The following PKHD1L1 variants were observed in gnomAD, a reference collection of about 807,000 sequenced individuals.
PKHD1L1 encodes PKHD1 like 1.
In PKHD1L1, 434 loss-of-function variants were observed where a neutral mutation model predicts 462.9. That is an observed-to-expected ratio of 0.94 (90% CI 0.87 to 1.02). The LOEUF is 1.02. PKHD1L1 is among the 50% of genes least tolerant of loss of function. The pLI is 0.00. For synonymous variants in PKHD1L1, 1,781 were observed against 1,750.0 expected, an observed-to-expected ratio of 1.02 and a Z score of -0.44; for missense variants, 5,202 against 5,096.1, an observed-to-expected ratio of 1.02 and a Z score of -0.63.
At chr8:109,472,893 G>T (rs201116643) in intron 50 of PKHD1L1, among the ~76,000 whole-genome samples, 1 of 151,586 alleles carries the variant, frequency 6.6e-6, no homozygotes, top group South Asian at 2.1e-4. Context: ...GGGAAGTAAG[G>T]GTTTGCTATA....
intron 60 of PKHD1L1, 22 bp from the exon 61 acceptor site, chr8:109,490,950 T>C (rs1214886779): frequency 6.5e-7 from 1 of 1,548,692 alleles, no homozygotes; most frequent in Non-Finnish European, 8.7e-7. Flanking sequence ...AAAAATGTTC[T>C]CTGTATCCCA....
chr8:109,522,408 C>G (rs956043417), intron 74 of PKHD1L1, 71 bp downstream of exon 74: 1 of 1,369,612 alleles, frequency 7.3e-7, no homozygotes, highest in Non-Finnish European at 9.8e-7. Context: ...CTTATTTTAA[C>G]TCTCTGTTTC....
Position 109,364,612 on chromosome 8 carries a change from A to G in PKHD1L1, c.139A>G (p.Thr47Ala). ...IPKYGSINGATRLTIRGEGFS... is the reference protein window; with the variant it reads ...IPKYGSINGAARLTIRGEGFS... The stretch of plus-strand genomic sequence containing the variant: ...TAAATATGGCAGTATAAATGGAGCA[A>G]CAAGGCTGACTATAAGAGGGGAAGG... Residue 47 changes from threonine (T) to alanine (A), a missense_variant, in exon 2 of 78, where the codon ACA becomes GCA. Coordinates refer to ENST00000378402, the MANE Select transcript of PKHD1L1 (RefSeq NM_177531.6). 1 of 1,596,974 alleles carries G rather than the reference A, an allele frequency of 6.3e-7. No individual in the cohort carries two copies. The highest frequency in any genetic ancestry group is 8.6e-7 in the Non-Finnish European group (1 of 1,169,386).
chr8:109,421,074 A>G (rs920392390), intron 23 of PKHD1L1, among the ~76,000 whole-genome samples: 19 of 152,176 alleles, frequency 1.2e-4, no homozygotes, highest in African/African-American at 4.3e-4. Context: ...GCTTGTATGA[A>G]AATTTATACA....
In PKHD1L1 at chr8:109,445,360, C is replaced by T; in HGVS notation, c.5491C>T (p.Pro1831Ser). 6.2e-7 allele frequency: 1 copy of T among 1,613,884 alleles called. No individual in the cohort carries two copies. The highest frequency in any genetic ancestry group is 8.5e-7 in the Non-Finnish European group (1 of 1,179,864). ...TCTGGGAAACCTGACTGTCAGCAGCCCCCCAGTAGCATCTCTATCACCAAC... is the reference window on the plus strand; with the variant it reads ...TCTGGGAAACCTGACTGTCAGCAGCTCCCCAGTAGCATCTCTATCACCAAC... ...LALGNLTVSS[P>S]PVASLSPTSG... The change falls in exon 38 of 78, where the codon CCC becomes TCC. Residue 1831 changes from proline (P) to serine (S), a missense_variant. Transcript: ENST00000378402.
intron 4 of PKHD1L1, among the ~76,000 whole-genome samples, chr8:109,383,145 T>TA (rs1563723712): frequency 2.8e-5 from 2 of 71,768 alleles, no homozygotes; most frequent in East Asian, 6.1e-4. Flanking sequence ...TTATTGTATA[T>TA]ATTATATATA....
intron 35 of PKHD1L1, 40 bp downstream of exon 35, chr8:109,442,235 T>C: frequency 6.5e-7 from 1 of 1,530,028 alleles, no homozygotes; most frequent in South Asian, 1.2e-5. Flanking sequence ...ATGTCACTTT[T>C]TCCTAAATGT....
At position 109,439,101 on chromosome 8, in the gene PKHD1L1, A is replaced by G. The variant is rs373903597; in HGVS notation, c.3956+9A>G. The G allele has an allele frequency of 6.2e-7, 1 of 1,608,734 alleles. No individual in the cohort carries two copies. The highest frequency in any genetic ancestry group is 1.1e-5 in the South Asian group (1 of 90,412). On this transcript the variant is annotated intron_variant, in intron 32 of 77. Coordinates refer to ENST00000378402, the MANE Select transcript of PKHD1L1 (RefSeq NM_177531.6). The stretch of plus-strand genomic sequence containing the variant: ...GGTTTTGCATCAACAAGGTATGATA[A>G]TGAACATAAACTTGATGGAGTTGTA...
intron 19 of PKHD1L1, among the ~76,000 whole-genome samples, chr8:109,410,272 C>T (rs1424415379): frequency 2.6e-5 from 4 of 152,032 alleles, no homozygotes; most frequent in African/African-American, 9.7e-5. Flanking sequence ...GTGTATAGGC[C>T]ATTGTTGCGT....
At position 109,381,493 on chromosome 8, in the gene PKHD1L1, C is replaced by A; in HGVS notation, c.287C>A (p.Thr96Asn). 6.3e-7 allele frequency: 1 copy of A among 1,578,412 alleles called. No homozygotes were observed. Among genetic ancestry groups the A allele is most frequent in the Non-Finnish European group, 8.6e-7 (1 of 1,158,154 alleles). The change falls in exon 3 of 78, where the codon ACT (threonine) becomes AAT (asparagine). Residue 96 changes from threonine to asparagine, a missense_variant. Physicochemically the swap from Thr to Asn is moderately conservative, Grantham distance 65. Around this residue, in one of 3 missense-constraint regions of PKHD1L1, gnomAD observed 4,497 missense variants for 4,336.8 expected, o/e 1.04. Coordinates refer to ENST00000378402, the MANE Select transcript of PKHD1L1 (RefSeq NM_177531.6). ...CDVEKDASHS[T>N]QITCYTRAMP... ...GTAGAAAAAGATGCAAGTCATTCAA[C>A]TCAAATTACATGCTATACTAGGTCT... is the stretch of plus-strand genomic sequence containing the variant.
At chr8:109,388,980 A>T (rs1038430841) in intron 7 of PKHD1L1, 99 bp from the exon 8 acceptor site, 3 of 806,436 alleles carry the variant, frequency 3.7e-6, no homozygotes, top group Non-Finnish European at 1.9e-6. Context: ...TTCTGTCCTG[A>T]TTCATATTCT....
chr8:109,409,853 T>C lies in PKHD1L1; in HGVS notation c.1972-12T>C, dbSNP rs763414973. 16 of 1,493,334 alleles carry C rather than the reference T, an allele frequency of 1.1e-5. No homozygotes were observed. Among genetic ancestry groups the C allele is most frequent in the Middle Eastern group, 1.7e-4 (1 of 5,770 alleles). 92.5% of individuals were successfully genotyped at this position (1,493,334 alleles called of 1,614,324 possible). ...TGAAAAGAAGTTACTAATGTTTATA[T>C]TGTTAATTTAGTTTCAGGGAGCAGT... On this transcript the variant is annotated splice_polypyrimidine_tract_variant and intron_variant, in intron 18 of 77. Transcript: ENST00000378402.
At chr8:109,395,558 AT>A (rs1212337069) in intron 10 of PKHD1L1, among the ~76,000 whole-genome samples, 1 of 152,222 alleles carries the variant, frequency 6.6e-6, no homozygotes, top group Non-Finnish European at 1.5e-5. Flanking sequence ...GCCATATGTC[AT>A]TTATTGGGCT....
chr8:109,432,260 ATT>A (rs1181849200), intron 27 of PKHD1L1, among the ~76,000 whole-genome samples: 8 of 152,128 alleles, frequency 5.3e-5, no homozygotes, highest in African/African-American at 1.9e-4. Context: ...TTACAAAAAG[ATT>A]TAAGTCATTG....
intron 32 of PKHD1L1, among the ~76,000 whole-genome samples, chr8:109,440,444 T>C (rs1815713721): frequency 6.6e-6 from 1 of 152,130 alleles, no homozygotes; most frequent in African/African-American, 2.4e-5. Flanking sequence ...AGCATATTTT[T>C]CCATAATATT....
At position 109,440,333 on chromosome 8, in the gene PKHD1L1, A is replaced by G. The variant is rs1328125580; in HGVS notation, c.3957-377A>G. Among the ~76,000 whole-genome samples, 3 of 152,258 alleles carry G rather than the reference A, an allele frequency of 2.0e-5. No individual in the cohort carries two copies. In the East Asian group the frequency reaches 5.8e-4, roughly 29 times the overall value. On this transcript the variant is annotated intron_variant, in intron 32 of 77. Transcript: ENST00000378402. ...TGATTACTCAAATGTGTGAGATTTA[A>G]TTGCTAGTTTTAAAGCAGAGCTGCC...
At position 109,443,097 on chromosome 8, in the gene PKHD1L1, T is replaced by C; in HGVS notation, c.4545T>C (p.Ser1515=). 6.2e-7 allele frequency: 1 copy of C among 1,613,436 alleles called. No homozygotes were observed. The highest frequency in any genetic ancestry group is 8.5e-7 in the Non-Finnish European group (1 of 1,179,494). The change falls in exon 36 of 78, where the codon TCT becomes TCC. Residue 1515 remains serine, a synonymous_variant. Transcript: ENST00000378402. ...CCTTGCACCTGTTTGTGGGTCGCTC[T>C]GAAGCCACATATGCTTATGGTAAGA... is the stretch of plus-strand genomic sequence containing the variant. ...HIPLHLFVGR[S]EATYAYGGPE...
chr8:109,381,537 TA>T, intron 3 of PKHD1L1, 23 bp downstream of exon 3: 1 of 1,487,266 alleles, frequency 6.7e-7, no homozygotes, highest in Non-Finnish European at 9.1e-7. Context: ...GTATCTTTAA[TA>T]AAATCATTTT....
chr8:109,525,216 T>C (rs1262572604), intron 76 of PKHD1L1, among the ~76,000 whole-genome samples: 1 of 152,080 alleles, frequency 6.6e-6, no homozygotes, highest in Non-Finnish European at 1.5e-5. Flanking sequence ...CAAAGCAGGG[T>C]ACTTGGGTAG....
Sources: allele counts gnomAD v4.1 joint callset (sites outside exome capture counted in the v4.1 genomes callset), GRCh38; gene constraint gnomAD v4.1.1; regional missense constraint gnomAD v4.1.1; transcripts MANE v1.5; gene names NCBI Gene and HGNC (gene_info 2026-07-23, HGNC 2026-07-21).